Variants in BRD4 observed in about 807,000 individuals in gnomAD.
BRD4 encodes bromodomain containing 4, also known as bromodomain-containing protein 4.
BRD4 carries 16 observed loss-of-function variants against 142.1 expected under a neutral mutation model. That is an observed-to-expected ratio of 0.11 (90% confidence interval 0.08 to 0.17). The LOEUF is 0.17. Among genes scored for constraint, BRD4 ranks in the 10% least tolerant of loss-of-function variants. BRD4 has a pLI of 1.00. For missense variants in BRD4, 1,424 were observed against 1,810.9 expected, an observed-to-expected ratio of 0.79 and a Z score of 3.88; for synonymous variants, 833 against 707.5, an observed-to-expected ratio of 1.18 and a Z score of -2.82.
chr19:15,249,175 G>A (rs1479064068), intron 11 of BRD4: 1 of 1,582,832 alleles, frequency 6.3e-7, no homozygotes, highest in Non-Finnish European at 8.6e-7. Context: ...TCCATAACTT[G>A]ATGGAGTCCT....
In BRD4 at chr19:15,243,144, TGGCGGCTGCTGCTGC is replaced by T. The variant is rs1414722796; in HGVS notation, c.2910_2924del (p.Gln971_Pro975del). ...GCTGGGGCTGGGGTGGTGGGGGTGGTGGCGGCTGCTGCTGCAGCTGCTGCTGCACAGAGGGGTGGG... is the reference window on the plus strand; with the variant it reads ...GCTGGGGCTGGGGTGGTGGGGGTGGTAGCTGCTGCTGCACAGAGGGGTGGG... On this transcript the variant is annotated inframe_deletion, in exon 14 of 20. Coordinates refer to ENST00000679869, the MANE Select transcript of BRD4 (RefSeq NM_001379291.1). 8.2e-6 allele frequency: 3 copies of T among 366,684 alleles called. No individual in the cohort carries two copies. The highest frequency in any genetic ancestry group is 4.5e-5 in the South Asian group (2 of 44,146). 22.7% of individuals were successfully genotyped at this position (366,684 alleles called of 1,614,324 possible).
intron 11 of BRD4, chr19:15,253,322 G>A: frequency 1.7e-6 from 1 of 575,984 alleles, no homozygotes; most frequent in Non-Finnish European, 3.1e-6. Context: ...CTGCGCCCCT[G>A]AGAATAATGA....
rs774281081 is a variant in BRD4 at position 15,243,438 on chromosome 19, G to A, written c.2631C>T (p.Ala877=). 36 of 1,576,952 alleles carry A rather than the reference G, an allele frequency of 2.3e-5. No individual in the cohort carries two copies. The highest frequency in any genetic ancestry group is 2.7e-5 in the Non-Finnish European group (31 of 1,164,058). ...PQQPSRPSNR[A]AALPPKPARP... ...GGGCGGGCTTGGGAGGCAGGGCAGC[G>A]GCTCGGTTGCTGGGCCGTGATGGCT... The change falls in exon 14 of 20, where the codon GCC becomes GCT. Residue 877 remains alanine (A), a synonymous_variant. Transcript: ENST00000679869.
chr19:15,312,911 G>C (rs942341385), intron 1 of BRD4, among the ~76,000 whole-genome samples: 2 of 152,160 alleles, frequency 1.3e-5, no homozygotes, highest in African/African-American at 4.8e-5. Context: ...ACTCCAGCCT[G>C]GGTGACAGAG....
intron 11 of BRD4, chr19:15,253,921 C>G (rs930585637): frequency 1.6e-5 from 13 of 801,754 alleles, no homozygotes; most frequent in African/African-American, 1.6e-4. Flanking sequence ...TGACCAGACC[C>G]TGGCAGGGAG....
At chr19:15,248,667 G>C (rs1024929951) in intron 11 of BRD4, 1 of 227,146 alleles carries the variant, frequency 4.4e-6, no homozygotes, top group African/African-American at 2.2e-5. Context: ...GCGGTGGCTC[G>C]AGCCTTACAG....
intron 1 of BRD4, among the ~76,000 whole-genome samples, chr19:15,305,023 C>G (rs927197155): frequency 4.7e-5 from 6 of 126,418 alleles, no homozygotes; most frequent in African/African-American, 1.9e-4. Context: ...TTAAGACCAT[C>G]TTTTTTTTTT....
intron 11 of BRD4, chr19:15,248,649 C>T: frequency 4.4e-6 from 1 of 227,856 alleles, no homozygotes; most frequent in Non-Finnish European, 8.7e-6. Context: ...CCAAAAGGCT[C>T]AGAGTCAGCG....
Position 15,330,648 on chromosome 19 carries a change from TC to T in BRD4, c.-35+1641del, listed in dbSNP as rs1264778068. On this transcript the variant is annotated intron_variant, in intron 1 of 19. Transcript: ENST00000679869. ...TAGATGTGGTGGCGGGCGCCTGTAG[TC>T]CCAGCTACTCGAGAGGCTGAGACAG... is the stretch of plus-strand genomic sequence containing the variant. 2.0e-5 allele frequency among the ~76,000 whole-genome samples: 3 copies of T among 152,094 alleles called. No homozygotes were observed. The East Asian group carries it at 5.8e-4, about 29-fold the overall frequency.
chr19:15,261,357 C>T (rs1475855202), intron 7 of BRD4, among the ~76,000 whole-genome samples: 8 of 152,128 alleles, frequency 5.3e-5, no homozygotes, highest in Non-Finnish European at 4.4e-5. Context: ...GTGGCGTGCG[C>T]CTGTAATCCC....
intron 1 of BRD4, chr19:15,280,409 C>T: frequency 9.8e-7 from 1 of 1,016,064 alleles, no homozygotes; most frequent in Non-Finnish European, 1.2e-6. Flanking sequence ...GGCCCATAAG[C>T]TGGGTCTTAA....
At chr19:15,267,579 C>A in intron 3 of BRD4, 28 bp from the exon 4 acceptor site, 1 of 1,608,008 alleles carries the variant, frequency 6.2e-7, no homozygotes, top group Non-Finnish European at 8.5e-7. Context: ...GGGGTAGAGT[C>A]AGAGGGCCCT....
chr19:15,328,442 G>A (rs2048128212), intron 1 of BRD4, among the ~76,000 whole-genome samples: 1 of 152,220 alleles, frequency 6.6e-6, no homozygotes, highest in Admixed American at 6.5e-5. Context: ...AAACTGCTAA[G>A]TGGGAAATGT....
chr19:15,321,881 C>T (rs1396090447), intron 1 of BRD4, among the ~76,000 whole-genome samples: 1 of 152,154 alleles, frequency 6.6e-6, no homozygotes, highest in African/African-American at 2.4e-5. Flanking sequence ...CACCCTACCC[C>T]CTACAAAGCT....
intron 1 of BRD4, among the ~76,000 whole-genome samples, chr19:15,287,418 T>C (rs1201797430): frequency 2.0e-5 from 3 of 152,226 alleles, no homozygotes; most frequent in African/African-American, 7.2e-5. Flanking sequence ...TTTATGTATT[T>C]ATTTTCTTTA....
chr19:15,320,719 C>T (rs1345611282), intron 1 of BRD4, among the ~76,000 whole-genome samples: 1 of 152,190 alleles, frequency 6.6e-6, no homozygotes, highest in Non-Finnish European at 1.5e-5. Flanking sequence ...CCCAGAGCTC[C>T]TTCTATGCCT....
chr19:15,309,054 G>A (rs2047942692), intron 1 of BRD4, among the ~76,000 whole-genome samples: 1 of 151,024 alleles, frequency 6.6e-6, no homozygotes, highest in Non-Finnish European at 1.5e-5. Context: ...AAAAACTTTA[G>A]GGCCGGGTGC....
chr19:15,320,421 A>T (rs1314418980), intron 1 of BRD4, among the ~76,000 whole-genome samples: 1 of 152,236 alleles, frequency 6.6e-6, no homozygotes, highest in Non-Finnish European at 1.5e-5. Flanking sequence ...AGATGAATCC[A>T]GTCTCCTGAA....
chr19:15,255,209 C>T (rs1599450149), intron 10 of BRD4, 88 bp downstream of exon 10: 12 of 1,170,158 alleles, frequency 1.0e-5, no homozygotes, highest in East Asian at 2.4e-5. Flanking sequence ...AGGGGGGGGG[C>T]GCAGAAAGAG....
Sources: gnomAD v4.1 joint callset for allele counts (sites outside exome capture counted in the v4.1 genomes callset) on GRCh38, gnomAD v4.1.1 for gene constraint, MANE v1.5 for transcripts, NCBI Gene and HGNC (gene_info 2026-07-23, HGNC 2026-07-21) for gene names.